The following USP34 variants were observed in gnomAD, a reference collection of about 807,000 sequenced individuals.
USP34 encodes the protein ubiquitin carboxyl-terminal hydrolase 34.
Under a neutral mutation model 460.3 loss-of-function variants are expected in USP34, and 70 were observed. The observed-to-expected ratio is 0.15, with a 90% confidence interval of 0.13 to 0.19. The LOEUF (loss-of-function observed/expected upper bound fraction) is 0.19, where lower values mean the gene tolerates loss of function less well. USP34 is among the 10% of genes least tolerant of loss of function. The pLI, the probability that USP34 is intolerant of heterozygous loss-of-function variation, is 1.00. For synonymous variants in USP34, 1,647 were observed against 1,405.3 expected (o/e 1.17, Z -3.85); for missense variants, 3,985 against 4,236.2 (o/e 0.94, Z 1.65).
rs71403400 is a variant in USP34, at chr2:61,237,554, ATTTTTTTTTTTTTT to A, written c.6778-1179_6778-1166del. On this transcript the variant is annotated intron_variant, in intron 53 of 79. Transcript: ENST00000398571. ...GTATGTGTATAGCTATTTTCTGTGG[ATTTTTTTTTTTTTT>A]TTTTTTTTTTTTTTTTAAAGACAGG... Among the ~76,000 whole-genome samples the A allele has an allele frequency of 7.5e-4, 34 of 45,152 alleles. 1 individual carries two copies. The highest frequency in any genetic ancestry group is 3.4e-3 in the South Asian group (3 of 870). The allele number at this position is 45,152 out of a possible 152,430, so 29.6% of individuals were successfully genotyped here. A position where few individuals can be genotyped will look rare whatever the true frequency, so the allele number is the denominator to read the frequency against.
intron 3 of USP34, among the ~76,000 whole-genome samples, chr2:61,404,181 T>C (rs1693802031): frequency 1.3e-5 from 2 of 151,722 alleles, no homozygotes; most frequent in Admixed American, 6.6e-5. Flanking sequence ...GACATGAAAA[T>C]ATCCCAGTAA....
intron 68 of USP34, 132 bp downstream of exon 68, chr2:61,213,928 C>T: frequency 9.1e-7 from 1 of 1,101,064 alleles, no homozygotes; most frequent in East Asian, 2.6e-5. Flanking sequence ...TTTAAGAAAA[C>T]AAATACACAT....
chr2:61,191,910 C>T (rs570279790), intron 76 of USP34, among the ~76,000 whole-genome samples: 1 of 152,214 alleles, frequency 6.6e-6, no homozygotes, highest in Non-Finnish European at 1.5e-5. Context: ...TATGCTAAGT[C>T]AAGTGAGCTA....
At chr2:61,357,112 C>A (rs1692131882) in intron 10 of USP34, among the ~76,000 whole-genome samples, 1 of 152,140 alleles carries the variant, frequency 6.6e-6, no homozygotes. Context: ...CAGGCATACA[C>A]AGAACACTCC....
chr2:61,360,029 C>A (rs1182841125), intron 10 of USP34, among the ~76,000 whole-genome samples: 2 of 151,918 alleles, frequency 1.3e-5, no homozygotes, highest in African/African-American at 4.8e-5. Context: ...ACGATCCACC[C>A]GCCTCAGCTT....
At chr2:61,298,469 C>T (rs1450409494) in intron 29 of USP34, among the ~76,000 whole-genome samples, 7 of 120,116 alleles carry the variant, frequency 5.8e-5, no homozygotes, top group South Asian at 2.9e-4. Flanking sequence ...ACCTGGGAGG[C>T]GGAGGTTGCA....
chr2:61,238,063 T>A (rs575872585), intron 53 of USP34, among the ~76,000 whole-genome samples: 1 of 151,792 alleles, frequency 6.6e-6, no homozygotes, highest in South Asian at 2.1e-4. Context: ...ACCCAGTTAA[T>A]TTTTGTATTT....
intron 75 of USP34, among the ~76,000 whole-genome samples, chr2:61,198,495 A>G (rs188463747): frequency 1.3e-5 from 2 of 152,106 alleles, no homozygotes; most frequent in African/African-American, 2.4e-5. Flanking sequence ...GTACTCCATT[A>G]TAAGATCTCT....
intron 1 of USP34, among the ~76,000 whole-genome samples, chr2:61,449,327 G>C (rs146109010): frequency 1.3e-5 from 2 of 150,336 alleles, no homozygotes; most frequent in East Asian, 3.9e-4. Flanking sequence ...TAAATAGAAA[G>C]ATATCCCATG....
chr2:61,343,670 G>GGA, intron 16 of USP34, 145 bp downstream of exon 16: 2 of 596,202 alleles, frequency 3.4e-6, no homozygotes, highest in Non-Finnish European at 2.6e-6. Flanking sequence ...TCCCTTGGGG[G>GGA]AAAAAAAAAA....
chr2:61,298,636 G>A (rs941610526), intron 29 of USP34, among the ~76,000 whole-genome samples: 2 of 141,988 alleles, frequency 1.4e-5, no homozygotes, highest in African/African-American at 2.6e-5. Flanking sequence ...TAACGTAACA[G>A]CCTATTAACA....
At chr2:61,366,680 T>C (rs927109509) in intron 10 of USP34, among the ~76,000 whole-genome samples, 3 of 152,030 alleles carry the variant, frequency 2.0e-5, no homozygotes, top group Admixed American at 2.0e-4. Flanking sequence ...AAGAGTTCCA[T>C]TTGAGAGACA....
intron 53 of USP34, among the ~76,000 whole-genome samples, chr2:61,239,169 T>C (rs1291833996): frequency 6.6e-6 from 1 of 151,938 alleles, no homozygotes; most frequent in East Asian, 1.9e-4. Context: ...TCTGAGACAA[T>C]ACTGGAATTA....
At chr2:61,356,985 A>T (rs932180011) in intron 10 of USP34, among the ~76,000 whole-genome samples, 18 of 152,222 alleles carry the variant, frequency 1.2e-4, no homozygotes, top group Non-Finnish European at 2.4e-4. Context: ...AGAAATAGAG[A>T]AATAAAAAGT....
chr2:61,460,559 A>G (rs766223532), intron 1 of USP34, among the ~76,000 whole-genome samples: 77 of 152,234 alleles, frequency 5.1e-4, no homozygotes, highest in Non-Finnish European at 8.5e-4. Flanking sequence ...AAAACAGTAT[A>G]TAGGGTACAG....
intron 41 of USP34, among the ~76,000 whole-genome samples, chr2:61,274,072 T>A (rs1689299736): frequency 6.6e-6 from 1 of 151,410 alleles, no homozygotes; most frequent in Non-Finnish European, 1.5e-5. Context: ...TACACCTGAC[T>A]ACATGAAAAA....
chr2:61,455,661 A>C (rs1331752161), intron 1 of USP34, among the ~76,000 whole-genome samples: 7 of 152,164 alleles, frequency 4.6e-5, no homozygotes, highest in Non-Finnish European at 8.8e-5. Context: ...TATCAAGTCC[A>C]CAAAGTTTTC....
intron 67 of USP34, among the ~76,000 whole-genome samples, chr2:61,217,900 A>C (rs942967021): frequency 3.9e-5 from 6 of 152,188 alleles, no homozygotes; most frequent in Non-Finnish European, 8.8e-5. Flanking sequence ...GGTTGCAGTG[A>C]GCCGAGATCA....
At chr2:61,388,179 G>A (rs937625488) in intron 5 of USP34, among the ~76,000 whole-genome samples, 1 of 152,042 alleles carries the variant, frequency 6.6e-6, no homozygotes, top group African/African-American at 2.4e-5. Flanking sequence ...GGAAGTGGAG[G>A]TTGCAACGAA....
Sources: allele counts gnomAD v4.1 joint callset (sites outside exome capture counted in the v4.1 genomes callset), GRCh38; gene constraint gnomAD v4.1.1; transcripts MANE v1.5; gene names NCBI Gene and HGNC (gene_info 2026-07-23, HGNC 2026-07-21).